The following TSC22D1 variants were observed in gnomAD, a reference collection of about 807,000 sequenced individuals.
TSC22D1 encodes TSC22 domain family protein 1.
TSC22D1 carries 9 observed loss-of-function variants against 74.2 expected under a neutral mutation model. That is an observed-to-expected ratio of 0.12 (90% CI 0.07 to 0.21). The LOEUF (loss-of-function observed/expected upper bound fraction) is 0.21, where lower values mean the gene tolerates loss of function less well. Among genes scored for constraint, TSC22D1 ranks in the 10% least tolerant of loss-of-function variants. The pLI, the probability that TSC22D1 is intolerant of heterozygous loss-of-function variation, is 1.00. For missense variants in TSC22D1, 1,427 were observed against 1,304.7 expected, an observed-to-expected ratio of 1.09 and a Z score of -1.44; for synonymous variants, 586 against 492.5, an observed-to-expected ratio of 1.19 and a Z score of -2.51.
chr13:44,553,114 AACG>A (rs1301565443), intron 1 of TSC22D1, among the ~76,000 whole-genome samples: 17 of 152,222 alleles, frequency 1.1e-4, no homozygotes, highest in African/African-American at 3.9e-4. Flanking sequence ...ATACATGACC[AACG>A]ACATTTCTCA....
At chr13:44,518,905 C>T (rs1254987915) in intron 1 of TSC22D1, among the ~76,000 whole-genome samples, 1 of 152,104 alleles carries the variant, frequency 6.6e-6, no homozygotes, top group Non-Finnish European at 1.5e-5. Context: ...AGTGGTCAAA[C>T]CTTCTATACT....
At chr13:44,539,105 G>C (rs1881316382) in intron 1 of TSC22D1, 1 of 985,180 alleles carries the variant, frequency 1.0e-6, no homozygotes, top group African/African-American at 1.7e-5. Flanking sequence ...ATCTAGGAAA[G>C]GGTTCTTTTA....
At chr13:44,470,700 C>A (rs1877553185) in intron 1 of TSC22D1, among the ~76,000 whole-genome samples, 1 of 152,214 alleles carries the variant, frequency 6.6e-6, no homozygotes, top group Non-Finnish European at 1.5e-5. Context: ...AAGGCAATGT[C>A]TGCCTTCATT....
intron 1 of TSC22D1, among the ~76,000 whole-genome samples, chr13:44,555,861 A>C (rs1275302080): frequency 2.6e-5 from 4 of 151,982 alleles, no homozygotes; most frequent in Admixed American, 2.0e-4. Context: ...TAACAAAATG[A>C]AAAAAAATTC....
At position 44,575,880 on chromosome 13, in the gene TSC22D1, C is replaced by G. The variant is rs762719188; in HGVS notation, c.195G>C (p.Gln65His). The change falls in exon 1 of 3, where the codon CAG becomes CAC. Residue 65 changes from glutamine to histidine, a missense_variant. Gln to His is a conservative substitution (Grantham distance 24, BLOSUM62 0). Around this residue, in one of 3 missense-constraint regions of TSC22D1, gnomAD observed 1,343 missense variants for 1,191.5 expected, o/e 1.13. Coordinates refer to ENST00000458659, the MANE Select transcript of TSC22D1 (RefSeq NM_183422.4). ...SEDFPPPSLL[Q>H]PPPPAASSTS... is the part of the protein sequence containing the mutation. ...TAGAAGATGCTGCAGGGGGCGGCGG[C>G]TGAAGCAGCGACGGAGGCGGAAAAT... 1.2e-6 allele frequency: 2 copies of G among 1,614,044 alleles called. No homozygotes were observed. The highest frequency in any genetic ancestry group is 1.6e-4 in the Middle Eastern group (1 of 6,062).
intron 1 of TSC22D1, chr13:44,539,778 C>A: frequency 7.8e-7 from 1 of 1,283,230 alleles, no homozygotes; most frequent in South Asian, 1.3e-5. Flanking sequence ...TGTTTATTAT[C>A]CTTTCCCACT....
At chr13:44,550,586 GAA>G (rs372509812) in intron 1 of TSC22D1, among the ~76,000 whole-genome samples, 19 of 129,148 alleles carry the variant, frequency 1.5e-4, no homozygotes, top group Admixed American at 2.3e-4. Flanking sequence ...CTGTCTCGGG[GAA>G]AAAAAAAAAA....
chr13:44,546,096 G>A (rs1419207571), intron 1 of TSC22D1, among the ~76,000 whole-genome samples: 1 of 151,892 alleles, frequency 6.6e-6, no homozygotes, highest in Non-Finnish European at 1.5e-5. Flanking sequence ...AATTCCTTTG[G>A]GTCTTTATCC....
At chr13:44,577,247 GA>G (rs1270053008), upstream of TSC22D1, 1 of 152,362 alleles carries the variant, frequency 6.6e-6, no homozygotes, top group East Asian at 1.9e-4. Flanking sequence ...GTCGGGCGGG[GA>G]GGGGGCTGTG....
In TSC22D1 at chr13:44,434,903, G is replaced by T. The variant is rs369626748; in HGVS notation, c.2965-20C>A. On this transcript the variant is annotated intron_variant, in intron 2 of 2. Coordinates refer to ENST00000458659, the MANE Select transcript of TSC22D1 (RefSeq NM_183422.4). ...TAGATCCTGGAAAGAAGACAGAAAA[G>T]GTTTAACTCATTATTTGGTATTTTC... 2 of 1,589,230 alleles carry T rather than the reference G, an allele frequency of 1.3e-6. No homozygotes were observed. Among genetic ancestry groups the T allele is most frequent in the African/African-American group, 2.7e-5 (2 of 73,722 alleles).
At chr13:44,553,555 G>A (rs1281663425) in intron 1 of TSC22D1, among the ~76,000 whole-genome samples, 1 of 152,150 alleles carries the variant, frequency 6.6e-6, no homozygotes, top group Non-Finnish European at 1.5e-5. Flanking sequence ...ATGGTCTTCA[G>A]GGCATAATGC....
chr13:44,557,097 C>T (rs1882695311), intron 1 of TSC22D1, among the ~76,000 whole-genome samples: 1 of 149,336 alleles, frequency 6.7e-6, no homozygotes, highest in Non-Finnish European at 1.5e-5. Context: ...GAGCCGAGAT[C>T]GCACCATTGC....
intron 1 of TSC22D1, among the ~76,000 whole-genome samples, chr13:44,555,749 C>CA (rs572955074): frequency 1.5e-3 from 208 of 139,450 alleles, no homozygotes; most frequent in South Asian, 3.7e-3. Flanking sequence ...ATTAAAATAC[C>CA]AAAAAAAAAA....
chr13:44,482,310 G>A (rs1878213568), intron 1 of TSC22D1, among the ~76,000 whole-genome samples: 1 of 152,158 alleles, frequency 6.6e-6, no homozygotes, highest in Non-Finnish European at 1.5e-5. Flanking sequence ...TGAGGCAAGT[G>A]GATCACCTGA....
intron 1 of TSC22D1, chr13:44,538,414 C>T (rs1881276452): frequency 1.0e-6 from 1 of 985,310 alleles, no homozygotes; most frequent in African/African-American, 1.7e-5. Flanking sequence ...CTTTCAGTGT[C>T]AGGCAACAAA....
rs117697213 is a variant in TSC22D1, at chr13:44,518,608, C to T, written c.2912+54555G>A. On this transcript the variant is annotated intron_variant, in intron 1 of 2. Coordinates refer to ENST00000458659, the MANE Select transcript of TSC22D1 (RefSeq NM_183422.4). ...CCTATGAGAGAAAAAAATTTTAAAC[C>T]ATACTCTAAACCAGTAACTTCCAAC... 1.4e-3 allele frequency among the ~76,000 whole-genome samples: 218 copies of T among 152,172 alleles called. 3 individuals are homozygous for T. In the East Asian group the frequency reaches 0.036, roughly 25 times the overall value.
At chr13:44,552,130 T>C (rs1882323451) in intron 1 of TSC22D1, among the ~76,000 whole-genome samples, 2 of 152,238 alleles carry the variant, frequency 1.3e-5, no homozygotes, top group African/African-American at 2.4e-5. Flanking sequence ...TACCTGTATA[T>C]CTTCAGAAAT....
At chr13:44,517,857 A>ATATATATATATTTTTTTT (rs10627677) in intron 1 of TSC22D1, among the ~76,000 whole-genome samples, 1 of 16,176 alleles carries the variant, frequency 6.2e-5, no homozygotes, top group Non-Finnish European at 1.4e-4. Context: ...ATATATATAT[A>ATATATATATATTTTTTTT]TTTTTTTTTT....
At chr13:44,540,885 A>AT (rs1457682360) in intron 1 of TSC22D1, among the ~76,000 whole-genome samples, 2 of 152,162 alleles carry the variant, frequency 1.3e-5, no homozygotes, top group African/African-American at 4.8e-5. Flanking sequence ...AAACAGATCA[A>AT]TTATGCTTTG....
Sources: allele counts gnomAD v4.1 joint callset (sites outside exome capture counted in the v4.1 genomes callset), GRCh38; gene constraint gnomAD v4.1.1; regional missense constraint gnomAD v4.1.1; transcripts MANE v1.5; gene names NCBI Gene and HGNC (gene_info 2026-07-23, HGNC 2026-07-21).